The following PDCD1 variants were observed in gnomAD, a reference collection of about 807,000 sequenced individuals.
The protein encoded by PDCD1 is programmed cell death protein 1.
Under a neutral mutation model 23.6 loss-of-function variants are expected in PDCD1, and 10 were observed. The observed-to-expected ratio is 0.42, with a 90% CI of 0.26 to 0.72. The LOEUF is 0.72. Ranked by LOEUF, PDCD1 falls within the 30% of genes least tolerant of loss-of-function variation. The pLI, the probability that PDCD1 is intolerant of heterozygous loss-of-function variation, is 0.24. For missense variants in PDCD1, 313 were observed against 397.8 expected, an observed-to-expected ratio of 0.79 and a Z score of 1.81; for synonymous variants, 168 against 169.3, an observed-to-expected ratio of 0.99 and a Z score of 0.06.
chr2:241,851,612 C>T (rs1700903893), intron 4 of PDCD1, among the ~76,000 whole-genome samples: 2 of 152,194 alleles, frequency 1.3e-5, no homozygotes, highest in Admixed American at 6.5e-5. Context: ...CAGGTGGGCA[C>T]ACGCATGGGC....
chr2:241,851,815 G>A, intron 4 of PDCD1, 134 bp downstream of exon 4: 1 of 922,624 alleles, frequency 1.1e-6, no homozygotes, highest in East Asian at 2.5e-5. Context: ...TGCTGCCTGG[G>A]GGCTGGGGAG....
In PDCD1 at chr2:241,851,978, T is replaced by C; in HGVS notation, c.598A>G (p.Ile200Val). Residue 200 changes from isoleucine (I) to valine (V), a missense_variant, in exon 4 of 5, where the codon ATA (isoleucine) becomes GTA (valine). Ile to Val is a conservative substitution (Grantham distance 29). Around this residue, in one of 3 missense-constraint regions of PDCD1, gnomAD observed 158 missense variants for 177.5 expected, o/e 0.89. Coordinates refer to ENST00000334409, the MANE Select transcript of PDCD1 (RefSeq NM_005018.3). Reference sequence around the variant, plus strand: ...GGCTGGCCGGTGCGCCTGGCTCCTATTGTCCCTGCAGAGAAACACACTTGG... The same window carrying C: ...GGCTGGCCGGTGCGCCTGGCTCCTACTGTCCCTGCAGAGAAACACACTTGG... ...VICSRAARGT[I>V]GARRTGQPLK... 1 of 1,613,396 alleles carries C rather than the reference T, an allele frequency of 6.2e-7. No homozygotes were observed. Among genetic ancestry groups the C allele is most frequent in the South Asian group, 1.1e-5 (1 of 91,046 alleles).
intron 1 of PDCD1, among the ~76,000 whole-genome samples, chr2:241,856,668 GA>G (rs1701034531): frequency 6.6e-6 from 1 of 151,986 alleles, no homozygotes; most frequent in South Asian, 2.1e-4. Flanking sequence ...AAAAAAAATG[GA>G]AGAAATTAGC....
chr2:241,856,194 T>C (rs1455989520), intron 1 of PDCD1, among the ~76,000 whole-genome samples: 1 of 151,738 alleles, frequency 6.6e-6, no homozygotes, highest in African/African-American at 2.4e-5. Context: ...CGGTCCTGCA[T>C]GTCCAGCCCC....
chr2:241,850,632 G>C lies in PDCD1; in HGVS notation c.*426C>G. 1 of 458,788 alleles carries C rather than the reference G, an allele frequency of 2.2e-6. No homozygotes were observed. Among genetic ancestry groups the C allele is most frequent in the South Asian group, 2.0e-5 (1 of 49,670 alleles). The allele number at this position is 458,788 out of a possible 1,614,324, so 28.4% of individuals were successfully genotyped here. On this transcript the variant is annotated 3_prime_UTR_variant, in exon 5 of 5. Transcript: ENST00000334409. ...TGCCACTGCCAGGGGCACCTTGGCT[G>C]CTCCAAGGCCATCTCCAACCAGCCC...
chr2:241,852,083 G>A (rs1700913863), intron 3 of PDCD1, 100 bp from the exon 4 acceptor site: 4 of 1,425,170 alleles, frequency 2.8e-6, no homozygotes, highest in Admixed American at 2.3e-5. Flanking sequence ...TTAGCCTGGC[G>A]GGGAGATGGG....
chr2:241,857,010 A>G (rs541524033), intron 1 of PDCD1, among the ~76,000 whole-genome samples: 1 of 152,228 alleles, frequency 6.6e-6, no homozygotes, highest in Non-Finnish European at 1.5e-5. Flanking sequence ...TGGAGCTCAC[A>G]GTGGTCCCAC....
Position 241,851,190 on chromosome 2 carries a change from C to A in PDCD1, c.735G>T (p.Gln245His), listed in dbSNP as rs201481671. The A allele has an allele frequency of 6.2e-7, 1 of 1,613,716 alleles. No individual in the cohort carries two copies. The highest frequency in any genetic ancestry group is 1.1e-5 in the South Asian group (1 of 91,072). ...GAAAGACAATGGTGGCATACTCCGT[C>A]TGCTCAGGGACACAGGGCACGGGGG... ...PEPPVPCVPEQTEYATIVFPS... is the reference protein window; with the variant it reads ...PEPPVPCVPEHTEYATIVFPS... The change falls in exon 5 of 5, where the codon CAG (glutamine) becomes CAT (histidine). Residue 245 changes from glutamine to histidine, a missense_variant. Gln to His is a conservative substitution (Grantham distance 24). Coordinates refer to ENST00000334409, the MANE Select transcript of PDCD1 (RefSeq NM_005018.3).
chr2:241,857,398 T>G (rs1000309869), intron 1 of PDCD1, among the ~76,000 whole-genome samples: 8 of 152,076 alleles, frequency 5.3e-5, no homozygotes, highest in African/African-American at 1.9e-4. Flanking sequence ...CTCTTATCTT[T>G]CCCGCCTGGG....
At position 241,858,072 on chromosome 2, in the gene PDCD1, G is replaced by C. The variant is rs987434940; in HGVS notation, c.76+691C>G. Among the ~76,000 whole-genome samples the C allele has an allele frequency of 1.2e-4, 18 of 152,298 alleles. No individual in the cohort carries two copies. The South Asian group carries it at 3.5e-3, about 30-fold the overall frequency. On this transcript the variant is annotated intron_variant, in intron 1 of 4. Coordinates refer to ENST00000334409, the MANE Select transcript of PDCD1 (RefSeq NM_005018.3). ...CTCGATCCGGGAGAGTGAGGCCAAG[G>C]CCTCCCCCACGGATGGTCTGAACAG...
At chr2:241,855,180 C>A (rs374684580) in intron 1 of PDCD1, among the ~76,000 whole-genome samples, 1 of 151,744 alleles carries the variant, frequency 6.6e-6, no homozygotes, top group African/African-American at 2.4e-5. Flanking sequence ...GGCCCCTCGG[C>A]CTCCCCTGCC....
At chr2:241,852,105 T>TGGGGGAAGGGGGGGGGGGGGGGGGG in intron 3 of PDCD1, 93 bp downstream of exon 3, 1 of 274,634 alleles carries the variant, frequency 3.6e-6, no homozygotes, top group East Asian at 1.7e-4. Flanking sequence ...GGAGGTGGGG[T>TGGGGGAAGGGGGGGGGGGGGGGGGG]GGGGTGAGGG....
chr2:241,857,978 C>A (rs74000562), intron 1 of PDCD1, among the ~76,000 whole-genome samples: 2 of 152,044 alleles, frequency 1.3e-5, no homozygotes, highest in African/African-American at 4.8e-5. Context: ...GGTCCAGGAG[C>A]GGGCTGTGGT....
intron 1 of PDCD1, among the ~76,000 whole-genome samples, chr2:241,853,791 G>A (rs567038146): frequency 2.6e-5 from 4 of 152,374 alleles, no homozygotes; most frequent in Admixed American, 2.0e-4. Context: ...GCCATGCAAC[G>A]GGGTGATTTT....
chr2:241,856,416 A>G (rs1701028367), intron 1 of PDCD1, among the ~76,000 whole-genome samples: 1 of 152,246 alleles, frequency 6.6e-6, no homozygotes, highest in African/African-American at 2.4e-5. Flanking sequence ...AAATGTGTCA[A>G]TATTCTTAGT....
At chr2:241,857,523 C>G (rs889903100) in intron 1 of PDCD1, among the ~76,000 whole-genome samples, 13 of 149,932 alleles carry the variant, frequency 8.7e-5, no homozygotes, top group Middle Eastern at 3.2e-3. Context: ...CGCCCCTCTG[C>G]CCTCTGGTTC....
chr2:241,852,885 T>C lies in PDCD1; in HGVS notation c.172A>G (p.Asn58Asp), dbSNP rs1222512746. 1.2e-6 allele frequency: 2 copies of C among 1,601,666 alleles called. No homozygotes were observed. The highest frequency in any genetic ancestry group is 2.7e-5 in the African/African-American group (2 of 74,854). ...DNATFTCSFSNTSESFVLNWY... is the reference protein window; with the variant it reads ...DNATFTCSFSDTSESFVLNWY... ...TTTAGCACGAAGCTCTCCGATGTGT[T>C]GGAGAAGCTGCAGGTGAAGGTGGCG... The change falls in exon 2 of 5, where the codon AAC becomes GAC. Residue 58 changes from asparagine to aspartate, a missense_variant. By Grantham distance (23) the Asn-to-Asp change is conservative. Around this residue, in one of 3 missense-constraint regions of PDCD1, gnomAD observed 135 missense variants for 166.9 expected, o/e 0.81. Coordinates refer to ENST00000334409, the MANE Select transcript of PDCD1 (RefSeq NM_005018.3).
chr2:241,855,119 C>T (rs549321151), intron 1 of PDCD1, among the ~76,000 whole-genome samples: 16 of 152,090 alleles, frequency 1.1e-4, no homozygotes, highest in East Asian at 1.9e-4. Flanking sequence ...CCTGTTCCGC[C>T]CCCCCCAACC....
In PDCD1 at chr2:241,852,832, C is replaced by T. The variant is rs1451878745; in HGVS notation, c.225G>A (p.Gln75=). Residue 75 remains glutamine (Q), a synonymous_variant, in exon 2 of 5, where the codon CAG becomes CAA. Coordinates refer to ENST00000334409, the MANE Select transcript of PDCD1 (RefSeq NM_005018.3). ...CGGGGAAGGCGGCCAGCTTGTCCGT[C>T]TGGTTGCTGGGGCTCATGCGGTACC... is the stretch of plus-strand genomic sequence containing the variant. ...LNWYRMSPSN[Q]TDKLAAFPED... is the part of the protein sequence containing the mutation. The T allele has an allele frequency of 6.2e-7, 1 of 1,611,482 alleles. No individual in the cohort carries two copies. Among genetic ancestry groups the T allele is most frequent in the Non-Finnish European group, 8.5e-7 (1 of 1,179,998 alleles).
Sources: gnomAD v4.1 joint callset for allele counts (sites outside exome capture counted in the v4.1 genomes callset) on GRCh38, gnomAD v4.1.1 for gene constraint, gnomAD v4.1.1 regional missense constraint, MANE v1.5 for transcripts, NCBI Gene and HGNC (gene_info 2026-07-23, HGNC 2026-07-21) for gene names.